LRRC4C: variants seen among roughly 807,000 people sequenced by gnomAD.
The protein encoded by LRRC4C is leucine rich repeat containing 4C.
A neutral mutation model predicts 33.6 loss-of-function variants in LRRC4C; 5 were observed. The observed-to-expected ratio is 0.15, with a 90% CI of 0.08 to 0.31. The LOEUF (loss-of-function observed/expected upper bound fraction) is 0.31, where lower values mean the gene tolerates loss of function less well. Among genes scored for constraint, LRRC4C ranks in the 10% least tolerant of loss-of-function variants. The pLI is 1.00. For missense variants in LRRC4C, 560 were observed against 796.7 expected (o/e 0.70, Z 3.58); for synonymous variants, 329 against 302.0 (o/e 1.09, Z -0.93).
At chr11:41,041,875 C>T (rs767549059) in intron 1 of LRRC4C, among the ~76,000 whole-genome samples, 1 of 152,174 alleles carries the variant, frequency 6.6e-6, no homozygotes, top group Non-Finnish European at 1.5e-5. Context: ...AACACTGACA[C>T]ATATGATCTA....
intron 1 of LRRC4C, among the ~76,000 whole-genome samples, chr11:41,315,844 G>A (rs1591246222): frequency 6.6e-6 from 1 of 152,294 alleles, no homozygotes; most frequent in Non-Finnish European, 1.5e-5. Flanking sequence ...TATGAACCAT[G>A]TCTCCACACA....
chr11:40,931,901 C>T (rs1957644586), intron 2 of LRRC4C, among the ~76,000 whole-genome samples: 1 of 152,020 alleles, frequency 6.6e-6, no homozygotes, highest in Non-Finnish European at 1.5e-5. Flanking sequence ...CGAGTAATGT[C>T]AGAGGATCGA....
chr11:40,281,872 C>T (rs1391336348), intron 4 of LRRC4C, among the ~76,000 whole-genome samples: 1 of 152,044 alleles, frequency 6.6e-6, no homozygotes, highest in Non-Finnish European at 1.5e-5. Flanking sequence ...TGTGGACCCC[C>T]ACTCCCACAC....
At chr11:40,963,463 C>A (rs923121059) in intron 1 of LRRC4C, among the ~76,000 whole-genome samples, 5 of 151,668 alleles carry the variant, frequency 3.3e-5, no homozygotes, top group Non-Finnish European at 7.4e-5. Context: ...ATAAATTAAA[C>A]AACTTCCCAA....
At chr11:40,904,367 T>C (rs2136213390) in intron 2 of LRRC4C, among the ~76,000 whole-genome samples, 1 of 152,246 alleles carries the variant, frequency 6.6e-6, no homozygotes, top group African/African-American at 2.4e-5. Context: ...TCCTTATACA[T>C]AGCAAATAAA....
At chr11:40,914,797 C>T (rs1283864929) in intron 2 of LRRC4C, among the ~76,000 whole-genome samples, 1 of 152,154 alleles carries the variant, frequency 6.6e-6, no homozygotes, top group Non-Finnish European at 1.5e-5. Flanking sequence ...ATCTAGAAAA[C>T]CCCATCGTCT....
At chr11:40,236,158 G>A (rs967518031) in intron 5 of LRRC4C, among the ~76,000 whole-genome samples, 2 of 151,106 alleles carry the variant, frequency 1.3e-5, no homozygotes, top group Admixed American at 6.6e-5. Context: ...ACCCAGATTT[G>A]GTTTCTAAAC....
In LRRC4C at chr11:40,226,387, A is replaced by G. The variant is rs973218395; in HGVS notation, c.-96+15132T>C. ...AGCCTCAATACCACCACAGCATCAC[A>G]TTAAACTCCACTCGATCCCAGAATG... is the stretch of plus-strand genomic sequence containing the variant. On this transcript the variant is annotated intron_variant, in intron 5 of 6. Transcript: ENST00000528697. Among the ~76,000 whole-genome samples the G allele has an allele frequency of 1.1e-4, 17 of 152,330 alleles. No individual in the cohort carries two copies. In the East Asian group the frequency reaches 1.5e-3, roughly 14 times the overall value.
intron 1 of LRRC4C, among the ~76,000 whole-genome samples, chr11:41,298,463 G>T (rs538309560): frequency 6.6e-6 from 1 of 151,784 alleles, no homozygotes; most frequent in Admixed American, 6.6e-5. Context: ...GCTAAACGCA[G>T]TCATTATTGA....
intron 1 of LRRC4C, among the ~76,000 whole-genome samples, chr11:41,279,381 AACACACACACACACACACACACACACAC>A (rs575973002): frequency 8.1e-4 from 102 of 126,458 alleles, no homozygotes; most frequent in African/African-American, 2.9e-3. Flanking sequence ...CACACACACA[AACACACACACACACACACACACACACAC>A]ACACACACAC....
intron 4 of LRRC4C, among the ~76,000 whole-genome samples, chr11:40,278,377 C>T (rs546381302): frequency 6.6e-6 from 1 of 152,250 alleles, no homozygotes; most frequent in Non-Finnish European, 1.5e-5. Context: ...TAGATTTAAA[C>T]ACATCTATGG....
At chr11:41,445,418 G>A (rs137919205) in intron 1 of LRRC4C, among the ~76,000 whole-genome samples, 4 of 152,234 alleles carry the variant, frequency 2.6e-5, no homozygotes, top group South Asian at 2.1e-4. Flanking sequence ...CCCCACCCAC[G>A]TGAGATAGCA....
intron 2 of LRRC4C, among the ~76,000 whole-genome samples, chr11:40,906,798 T>C (rs576989173): frequency 6.6e-6 from 1 of 152,316 alleles, no homozygotes; most frequent in Admixed American, 6.5e-5. Context: ...TATATTTTTA[T>C]GTGTTTATGT....
intron 6 of LRRC4C, among the ~76,000 whole-genome samples, chr11:40,125,686 C>T (rs1265241151): frequency 6.6e-6 from 1 of 152,004 alleles, no homozygotes; most frequent in African/African-American, 2.4e-5. Context: ...AACATGATAT[C>T]CTTATAAGAA....
intron 3 of LRRC4C, among the ~76,000 whole-genome samples, chr11:40,364,518 T>C (rs1018924320): frequency 1.3e-5 from 2 of 152,078 alleles, no homozygotes; most frequent in East Asian, 1.9e-4. Context: ...AGAAACTACC[T>C]AGAATGAAAT....
intron 2 of LRRC4C, among the ~76,000 whole-genome samples, chr11:40,905,637 C>T (rs996939671): frequency 6.6e-6 from 1 of 152,176 alleles, no homozygotes; most frequent in African/African-American, 2.4e-5. Flanking sequence ...AAATCCCACC[C>T]TTCTGATTTC....
At chr11:40,610,040 T>C (rs1961043918) in intron 3 of LRRC4C, among the ~76,000 whole-genome samples, 1 of 151,954 alleles carries the variant, frequency 6.6e-6, no homozygotes, top group Non-Finnish European at 1.5e-5. Flanking sequence ...AAACTTATTT[T>C]ATGAGGCCAG....
chr11:40,406,663 T>C (rs539203880), intron 3 of LRRC4C, among the ~76,000 whole-genome samples: 3 of 152,160 alleles, frequency 2.0e-5, no homozygotes, highest in Admixed American at 1.3e-4. Context: ...CTCTAGATTA[T>C]GCATATGTTA....
intron 5 of LRRC4C, among the ~76,000 whole-genome samples, chr11:40,143,657 A>T (rs1317987375): frequency 6.6e-6 from 1 of 152,108 alleles, no homozygotes; most frequent in Non-Finnish European, 1.5e-5. Context: ...GCTCTGCTAA[A>T]CCTGCTCAGA....
Sources: allele counts gnomAD v4.1 joint callset (sites outside exome capture counted in the v4.1 genomes callset), GRCh38; gene constraint gnomAD v4.1.1; transcripts MANE v1.5; gene names NCBI Gene and HGNC (gene_info 2026-07-23, HGNC 2026-07-21).